GLT8D2: variants seen among roughly 807,000 people sequenced by gnomAD.
The protein encoded by GLT8D2 is glycosyltransferase 8 domain containing 2, also known as glycosyltransferase 8 domain-containing protein 2.
Under a neutral mutation model 44.5 loss-of-function variants are expected in GLT8D2, and 45 were observed. The ratio of observed to expected loss-of-function variants is 1.01; its 90% CI spans 0.80 to 1.30. The LOEUF is 1.30. Ranked by LOEUF, GLT8D2 falls within the 50% of genes most tolerant of loss-of-function variation. GLT8D2 has a pLI of 0.00. For synonymous variants in GLT8D2, 156 were observed against 157.2 expected, an observed-to-expected ratio of 0.99 and a Z score of 0.06; for missense variants, 400 against 430.4, an observed-to-expected ratio of 0.93 and a Z score of 0.62.
rs1384114342 is a variant in GLT8D2 at position 103,994,187 on chromosome 12, C to G, written c.767+148G>C. 4 of 606,300 alleles carry G rather than the reference C, an allele frequency of 6.6e-6. No individual in the cohort carries two copies. The East Asian group carries it at 9.2e-5, about 14-fold the overall frequency. The allele number at this position is 606,300 out of a possible 1,614,324, so 37.6% of individuals were successfully genotyped here. On this transcript the variant is annotated intron_variant, in intron 9 of 10. Transcript: ENST00000360814. ...TTGAGGAAAGGTTTTAATTGACTGC[C>G]CCCTTTTCTTTCTTAACATTGCCTC...
At chr12:104,012,655 G>A (rs924800798) in intron 4 of GLT8D2, 2 of 512,852 alleles carry the variant, frequency 3.9e-6, no homozygotes, top group Non-Finnish European at 6.9e-6. Context: ...TTTTAGAACA[G>A]TTTATTGAGG....
upstream of GLT8D2, among the ~76,000 whole-genome samples, chr12:104,054,016 C>A (rs1451538454): frequency 6.6e-6 from 1 of 151,946 alleles, no homozygotes; most frequent in Non-Finnish European, 1.5e-5. Flanking sequence ...TCAAGATGTA[C>A]GGTGTTGACT....
chr12:104,064,379 C>A, upstream of GLT8D2: 1 of 502,246 alleles, frequency 2.0e-6, no homozygotes, highest in Non-Finnish European at 3.3e-6. The surrounding 1 kb of genome is among the most constrained non-coding windows in gnomAD (Gnocchi z 7.3). Context: ...GGGGGCGGGG[C>A]TCCCCTGTCA....
chr12:104,008,314 G>A (rs1357817333), intron 4 of GLT8D2, among the ~76,000 whole-genome samples: 3 of 152,184 alleles, frequency 2.0e-5, no homozygotes, highest in Non-Finnish European at 4.4e-5. Flanking sequence ...GAACTTGTTG[G>A]GAACTGGAAC....
chr12:104,000,534 T>C (rs1201814819), intron 5 of GLT8D2, among the ~76,000 whole-genome samples: 1 of 151,438 alleles, frequency 6.6e-6, no homozygotes, highest in Non-Finnish European at 1.5e-5. Context: ...TCTACTTCAA[T>C]GAAAAAAAAA....
In GLT8D2 at chr12:104,030,201, C is replaced by A. The variant is rs576026699; in HGVS notation, c.-163-8710G>T. ...AATAGAGGGCCCAGAAATAAATCCACGCATATATGGTCAACTATTCTTCCA... is the reference window on the plus strand; with the variant it reads ...AATAGAGGGCCCAGAAATAAATCCAAGCATATATGGTCAACTATTCTTCCA... On this transcript the variant is annotated intron_variant, in intron 1 of 10. Transcript: ENST00000360814. Among the ~76,000 whole-genome samples, 8 of 152,156 alleles carry A rather than the reference C, an allele frequency of 5.3e-5. No homozygotes were observed. In the East Asian group the frequency reaches 1.2e-3, roughly 22 times the overall value.
At chr12:104,058,273 G>A (rs1882351149) in intron 1 of GLT8D2, among the ~76,000 whole-genome samples, 1 of 152,102 alleles carries the variant, frequency 6.6e-6, no homozygotes, top group Admixed American at 6.6e-5. Flanking sequence ...GTGAGTTGGG[G>A]GAAATTTTCA....
chr12:103,996,331 G>A (rs1471129725), intron 8 of GLT8D2, among the ~76,000 whole-genome samples: 5 of 152,192 alleles, frequency 3.3e-5, no homozygotes, highest in African/African-American at 1.2e-4. Context: ...GGTTCAGCAA[G>A]TCTCTTTTAC....
intron 4 of GLT8D2, among the ~76,000 whole-genome samples, chr12:104,012,250 A>C (rs1566197269): frequency 6.6e-6 from 1 of 150,970 alleles, no homozygotes; most frequent in African/African-American, 2.4e-5. Flanking sequence ...AAATGGAATC[A>C]TACTTTTCAG....
chr12:104,029,205 G>A (rs1211595876), intron 1 of GLT8D2, among the ~76,000 whole-genome samples: 1 of 152,072 alleles, frequency 6.6e-6, no homozygotes, highest in East Asian at 1.9e-4. Context: ...CAGGAGAATC[G>A]CTTGAACCTG....
At chr12:104,018,360 T>C (rs17035129) in intron 3 of GLT8D2, among the ~76,000 whole-genome samples, 13,379 of 152,156 alleles carry the variant, frequency 0.088, 888 homozygotes, top group East Asian at 0.3. Flanking sequence ...GCCTTTGTCT[T>C]CCCATTTGTA....
intron 1 of GLT8D2, among the ~76,000 whole-genome samples, chr12:104,041,727 G>C (rs1880574232): frequency 6.6e-6 from 1 of 152,236 alleles, no homozygotes; most frequent in African/African-American, 2.4e-5. Context: ...AGGCACTAGA[G>C]ATTCAAAGAT....
At chr12:103,997,651 G>A (rs558983516) in intron 6 of GLT8D2, 116 bp from the exon 7 acceptor site, 27 of 710,620 alleles carry the variant, frequency 3.8e-5, no homozygotes, top group Admixed American at 1.2e-4. Context: ...GGTTTGGAGC[G>A]GAATAAAACA....
chr12:104,021,924 GAAGAAGAAGAAGAAGAAGAAGAA>G (rs1877776429), intron 1 of GLT8D2, among the ~76,000 whole-genome samples: 1 of 27,264 alleles, frequency 3.7e-5, no homozygotes, highest in Non-Finnish European at 6.6e-5. Flanking sequence ...AGAAGAAGAA[GAAGAAGAAGAAGAAGAAGAAGAA>G]GAAGAAGAGG....
At chr12:104,022,096 GAAGAA>G (rs988620027) in intron 1 of GLT8D2, among the ~76,000 whole-genome samples, 2 of 150,886 alleles carry the variant, frequency 1.3e-5, no homozygotes, top group South Asian at 2.1e-4. Flanking sequence ...AAGAAAGAAA[GAAGAA>G]AAGAAAAGAA....
At chr12:103,998,308 C>T (rs1286084595) in intron 6 of GLT8D2, among the ~76,000 whole-genome samples, 2 of 151,214 alleles carry the variant, frequency 1.3e-5, no homozygotes, top group African/African-American at 2.4e-5. Flanking sequence ...GATCACAGCT[C>T]ACTACAGCCT....
At chr12:104,004,130 C>T (rs1415046705) in intron 4 of GLT8D2, among the ~76,000 whole-genome samples, 2 of 152,066 alleles carry the variant, frequency 1.3e-5, no homozygotes, top group Admixed American at 6.6e-5. Context: ...GACAAAAACC[C>T]CATGATTATA....
intron 6 of GLT8D2, among the ~76,000 whole-genome samples, chr12:103,998,742 T>A (rs1438869352): frequency 6.6e-6 from 1 of 152,098 alleles, no homozygotes; most frequent in Non-Finnish European, 1.5e-5. Flanking sequence ...AAACAGGGTC[T>A]CAATATGTTG....
intron 1 of GLT8D2, among the ~76,000 whole-genome samples, chr12:104,038,928 T>C (rs1049493212): frequency 1.2e-4 from 19 of 152,192 alleles, no homozygotes; most frequent in Admixed American, 1.3e-4. Flanking sequence ...AATAGCATGG[T>C]ACTGATGCCA....
Sources: allele counts gnomAD v4.1 joint callset (sites outside exome capture counted in the v4.1 genomes callset), GRCh38; gene constraint gnomAD v4.1.1; non-coding constraint Gnocchi (gnomAD v3.1); transcripts MANE v1.5; gene names NCBI Gene and HGNC (gene_info 2026-07-23, HGNC 2026-07-21).